The following GPC5 variants were observed in gnomAD, a reference collection of about 807,000 sequenced individuals.
GPC5 encodes the protein glypican-5.
Under a neutral mutation model 53.9 loss-of-function variants are expected in GPC5, and 47 were observed. The observed-to-expected ratio is 0.87, with a 90% CI of 0.69 to 1.11. The LOEUF is 1.11. GPC5 is among the 50% of genes most tolerant of loss of function. The pLI, the probability that GPC5 is intolerant of heterozygous loss-of-function variation, is 0.00. For missense variants in GPC5, 748 were observed against 713.1 expected, an observed-to-expected ratio of 1.05 and a Z score of -0.56; for synonymous variants, 286 against 263.3, an observed-to-expected ratio of 1.09 and a Z score of -0.84.
intron 6 of GPC5, among the ~76,000 whole-genome samples, chr13:91,991,106 G>A (rs544051335): frequency 1.1e-4 from 16 of 152,236 alleles, no homozygotes; most frequent in African/African-American, 7.2e-5. Context: ...ATTAGTCAAT[G>A]GCAACTCAGC....
At chr13:91,878,149 G>C (rs1360357068) in intron 5 of GPC5, among the ~76,000 whole-genome samples, 1 of 152,090 alleles carries the variant, frequency 6.6e-6, no homozygotes, top group East Asian at 1.9e-4. Context: ...AATACAACTA[G>C]ACTAGTTAAA....
At chr13:91,709,435 G>T (rs1470087111) in intron 3 of GPC5, among the ~76,000 whole-genome samples, 1 of 151,998 alleles carries the variant, frequency 6.6e-6, no homozygotes, top group Non-Finnish European at 1.5e-5. Context: ...AGTTCTCTTG[G>T]TTCCTTTAGC....
chr13:91,919,366 G>A (rs1399273547), intron 6 of GPC5, among the ~76,000 whole-genome samples: 1 of 152,130 alleles, frequency 6.6e-6, no homozygotes, highest in Non-Finnish European at 1.5e-5. Context: ...ACCACACATT[G>A]CTGTCAAATA....
At chr13:92,765,541 C>T (rs915930205) in intron 7 of GPC5, among the ~76,000 whole-genome samples, 1 of 152,234 alleles carries the variant, frequency 6.6e-6, no homozygotes, top group South Asian at 2.1e-4. Flanking sequence ...AGTGACATAA[C>T]GTATTGGCCC....
intron 7 of GPC5, among the ~76,000 whole-genome samples, chr13:92,209,752 A>G (rs1345679509): frequency 6.6e-6 from 1 of 152,174 alleles, no homozygotes; most frequent in African/African-American, 2.4e-5. Context: ...CATATGTTAG[A>G]CAGTGTATTA....
chr13:91,463,003 C>T (rs1882030304), intron 2 of GPC5, among the ~76,000 whole-genome samples: 1 of 151,976 alleles, frequency 6.6e-6, no homozygotes, highest in African/African-American at 2.4e-5. Flanking sequence ...AGCAATTTGA[C>T]AGCACTAGGT....
At chr13:91,952,788 T>C (rs536255799) in intron 6 of GPC5, among the ~76,000 whole-genome samples, 1 of 152,200 alleles carries the variant, frequency 6.6e-6, no homozygotes, top group South Asian at 2.1e-4. Context: ...TAGATAAATA[T>C]ATGGAAATAG....
At chr13:92,017,372 G>A (rs755307890) in intron 6 of GPC5, among the ~76,000 whole-genome samples, 66 of 152,148 alleles carry the variant, frequency 4.3e-4, no homozygotes, top group African/African-American at 1.4e-3. Flanking sequence ...TGGTCATCCC[G>A]GTTTTCTGGC....
chr13:92,375,863 A>G (rs2043689742), intron 7 of GPC5, among the ~76,000 whole-genome samples: 1 of 152,220 alleles, frequency 6.6e-6, no homozygotes, highest in Admixed American at 6.5e-5. Context: ...CTCTGCAGAA[A>G]TACCTAGGTT....
chr13:92,011,880 T>A (rs1053880165), intron 6 of GPC5, among the ~76,000 whole-genome samples: 4 of 152,226 alleles, frequency 2.6e-5, no homozygotes, highest in Non-Finnish European at 5.9e-5. Context: ...ATTGCTGTAA[T>A]GTTCACAGGT....
intron 2 of GPC5, among the ~76,000 whole-genome samples, chr13:91,547,772 A>G (rs2030380391): frequency 6.6e-6 from 1 of 152,190 alleles, no homozygotes. Context: ...AAAAAGATAT[A>G]TACTCTAACC....
chr13:92,065,050 T>C (rs970188096), intron 6 of GPC5, among the ~76,000 whole-genome samples: 3 of 152,060 alleles, frequency 2.0e-5, no homozygotes, highest in African/African-American at 7.2e-5. Flanking sequence ...AGAAAGAAGC[T>C]CTCAGATCAG....
Position 92,095,476 on chromosome 13 carries a change from T to C in GPC5, c.1402-49354T>C, listed in dbSNP as rs113731935. 7.6e-3 allele frequency among the ~76,000 whole-genome samples: 1,151 copies of C among 152,244 alleles called. 14 individuals are homozygous for C. The highest frequency in any genetic ancestry group is 0.04 in the Admixed American group (613 of 15,290). ...AATTCTCCTGTCTCAGCCTCCCTTG[T>C]AGCTGGGACTACAGGTGCACGCCAC... is the stretch of plus-strand genomic sequence containing the variant. On this transcript the variant is annotated intron_variant, in intron 6 of 7. Coordinates refer to ENST00000377067, the MANE Select transcript of GPC5 (RefSeq NM_004466.6).
chr13:92,488,298 C>T (rs1166582015), intron 7 of GPC5, among the ~76,000 whole-genome samples: 2 of 152,082 alleles, frequency 1.3e-5, no homozygotes, highest in Non-Finnish European at 2.9e-5. Context: ...ATAATATTAT[C>T]GAAAGATTTA....
At chr13:92,770,151 TG>T (rs1236447877) in intron 7 of GPC5, among the ~76,000 whole-genome samples, 1 of 152,136 alleles carries the variant, frequency 6.6e-6, no homozygotes, top group Non-Finnish European at 1.5e-5. Context: ...TGTTGGCCCA[TG>T]CCTGTAATCC....
At chr13:92,446,150 G>C (rs1233809681) in intron 7 of GPC5, among the ~76,000 whole-genome samples, 4 of 151,370 alleles carry the variant, frequency 2.6e-5, no homozygotes, top group African/African-American at 9.7e-5. Context: ...GCTGACTATA[G>C]TCACTTTGTG....
intron 7 of GPC5, among the ~76,000 whole-genome samples, chr13:92,570,886 AT>A (rs1191325231): frequency 6.6e-6 from 1 of 152,136 alleles, no homozygotes; most frequent in Non-Finnish European, 1.5e-5. Flanking sequence ...TATCATCTTA[AT>A]TTTACCAATA....
At chr13:92,208,432 T>C (rs1443395031) in intron 7 of GPC5, among the ~76,000 whole-genome samples, 1 of 152,228 alleles carries the variant, frequency 6.6e-6, no homozygotes, top group East Asian at 1.9e-4. Flanking sequence ...ACTAAGTTTG[T>C]TTATTTTTAC....
Position 92,849,032 on chromosome 13 carries a change from G to C in GPC5, c.1562-17250G>C, listed in dbSNP as rs139426368. On this transcript the variant is annotated intron_variant, in intron 7 of 7. Coordinates refer to ENST00000377067, the MANE Select transcript of GPC5 (RefSeq NM_004466.6). ...ATATGAGTGTTCTCTCCTCACACAC[G>C]CATCTGTTATTTTCATAAGATCTTG... Among the ~76,000 whole-genome samples the C allele has an allele frequency of 7.9e-5, 12 of 152,152 alleles. No homozygotes were observed. The East Asian group carries it at 2.3e-3, about 29-fold the overall frequency.
Sources: gnomAD v4.1 joint callset for allele counts (sites outside exome capture counted in the v4.1 genomes callset) on GRCh38, gnomAD v4.1.1 for gene constraint, MANE v1.5 for transcripts, NCBI Gene and HGNC (gene_info 2026-07-23, HGNC 2026-07-21) for gene names.